The following RTCA variants were observed in gnomAD, a reference collection of about 807,000 sequenced individuals.
RTCA encodes the protein RNA 3'-terminal phosphate cyclase.
Under a neutral mutation model 46.1 loss-of-function variants are expected in RTCA, and 37 were observed. The observed-to-expected ratio is 0.80, with a 90% CI of 0.62 to 1.06. The LOEUF (loss-of-function observed/expected upper bound fraction) is 1.06, where lower values mean the gene tolerates loss of function less well. Among genes scored for constraint, RTCA ranks in the 50% least tolerant of loss-of-function variants. RTCA has a pLI of 0.00. For missense variants in RTCA, 435 were observed against 455.5 expected (o/e 0.95, Z 0.41); for synonymous variants, 164 against 158.3 (o/e 1.04, Z -0.27).
chr1:100,267,524 C>T (rs973287309), intron 2 of RTCA: 19 of 1,545,512 alleles, frequency 1.2e-5, no homozygotes, highest in Non-Finnish European at 1.7e-5. Flanking sequence ...AGTCCAAGAT[C>T]AAGGTCCTGA....
intron 10 of RTCA, among the ~76,000 whole-genome samples, chr1:100,288,649 C>G (rs571418492): frequency 6.6e-6 from 1 of 151,936 alleles, no homozygotes; most frequent in African/African-American, 2.4e-5. Context: ...CCTCAATCTC[C>G]CAAAGCGCTA....
rs1051198969 is a variant in RTCA, at chr1:100,284,641, G to A, written c.800-587G>A. On this transcript the variant is annotated intron_variant, in intron 8 of 10. Transcript: ENST00000370128. ...ACTCCTGACCTCAAGTGATCCATCCGCCTCAGCCTCCCAAAGCATTGGGAT... is the reference window on the plus strand; with the variant it reads ...ACTCCTGACCTCAAGTGATCCATCCACCTCAGCCTCCCAAAGCATTGGGAT... Among the ~76,000 whole-genome samples the A allele has an allele frequency of 8.5e-5, 13 of 152,272 alleles. No homozygotes were observed. In the South Asian group the frequency reaches 1.9e-3, roughly 22 times the overall value.
At chr1:100,288,950 G>A (rs1667178355) in intron 10 of RTCA, among the ~76,000 whole-genome samples, 1 of 151,962 alleles carries the variant, frequency 6.6e-6, no homozygotes. Context: ...AGCCTCCAGA[G>A]TAGCTGGGAT....
At chr1:100,275,917 G>C (rs966282704) in intron 7 of RTCA, among the ~76,000 whole-genome samples, 194 bp downstream of exon 7, 1 of 151,940 alleles carries the variant, frequency 6.6e-6, no homozygotes, top group South Asian at 2.1e-4. Flanking sequence ...CTCACTGCAA[G>C]CTCCGCCTCC....
chr1:100,266,239 T>A lies in RTCA; in HGVS notation c.-137T>A. On this transcript the variant is annotated 5_prime_UTR_variant, in exon 1 of 11. Transcript: ENST00000370128. ...CCAGTGTCCCGAGAGGCGCCGCTTC[T>A]TCCGCTTTCTCGTCAGGCTCCTGCG... The A allele has an allele frequency of 9.4e-7, 1 of 1,059,030 alleles. No homozygotes were observed. The highest frequency in any genetic ancestry group is 1.4e-6 in the Non-Finnish European group (1 of 736,430). 65.6% of individuals were successfully genotyped at this position (1,059,030 alleles called of 1,614,324 possible).
chr1:100,274,106 C>T (rs983166907), intron 5 of RTCA, among the ~76,000 whole-genome samples: 1 of 151,980 alleles, frequency 6.6e-6, no homozygotes, highest in African/African-American at 2.4e-5. Context: ...TTTTTTTCAA[C>T]GTGAAACTTA....
intron 8 of RTCA, among the ~76,000 whole-genome samples, chr1:100,279,055 G>A (rs534064491): frequency 6.6e-6 from 1 of 152,310 alleles, no homozygotes; most frequent in South Asian, 2.1e-4. Flanking sequence ...AATCAGTGTG[G>A]ATATTGAGCC....
At chr1:100,270,034 G>A (rs981984534) in intron 3 of RTCA, among the ~76,000 whole-genome samples, 1 of 152,126 alleles carries the variant, frequency 6.6e-6, no homozygotes, top group Non-Finnish European at 1.5e-5. Context: ...TTTTATGGCT[G>A]CGTAAAATAT....
chr1:100,277,705 A>G (rs1383234259), intron 8 of RTCA, among the ~76,000 whole-genome samples: 1 of 152,054 alleles, frequency 6.6e-6, no homozygotes, highest in Non-Finnish European at 1.5e-5. Flanking sequence ...CCATTTTTAC[A>G]CCTGAAGAAT....
intron 7 of RTCA, 86 bp downstream of exon 7, chr1:100,275,809 T>G: frequency 8.4e-7 from 1 of 1,186,284 alleles, no homozygotes; most frequent in Non-Finnish European, 1.2e-6. Context: ...GTTTCTTGCT[T>G]AAGTTTATAG....
intron 10 of RTCA, among the ~76,000 whole-genome samples, chr1:100,289,343 G>A (rs1311889853): frequency 6.6e-6 from 1 of 150,494 alleles, no homozygotes; most frequent in Non-Finnish European, 1.5e-5. Flanking sequence ...GGATCTCCCT[G>A]TGTTGCCCAG....
At chr1:100,267,185 A>C in intron 2 of RTCA, 1 of 296,060 alleles carries the variant, frequency 3.4e-6, no homozygotes, top group Non-Finnish European at 6.2e-6. Context: ...CCACTAGTTG[A>C]GCTTCAGGTA....
At chr1:100,274,749 T>A in intron 5 of RTCA, 75 bp from the exon 6 acceptor site, 1 of 1,374,256 alleles carries the variant, frequency 7.3e-7, no homozygotes. Flanking sequence ...CATTGACATG[T>A]CATTTTATTG....
chr1:100,286,201 C>G (rs549353895), intron 9 of RTCA, among the ~76,000 whole-genome samples: 2 of 151,900 alleles, frequency 1.3e-5, no homozygotes, highest in Non-Finnish European at 2.9e-5. Flanking sequence ...GCCTGTAATC[C>G]CAGCACTTTG....
At chr1:100,285,913 C>T (rs1666998329) in intron 9 of RTCA, among the ~76,000 whole-genome samples, 1 of 152,326 alleles carries the variant, frequency 6.6e-6, no homozygotes, top group South Asian at 2.1e-4. Context: ...AGATTAAGGG[C>T]CATGAGCCAC....
At chr1:100,266,929 C>A in intron 2 of RTCA, 1 of 403,296 alleles carries the variant, frequency 2.5e-6, no homozygotes, top group Non-Finnish European at 4.5e-6. Context: ...CCGAACAGCA[C>A]GTATGAGCTG....
At chr1:100,283,923 AAAAAAAAAAAAG>A (rs1666865571) in intron 8 of RTCA, among the ~76,000 whole-genome samples, 1 of 39,726 alleles carries the variant, frequency 2.5e-5, no homozygotes, top group African/African-American at 5.7e-5. Flanking sequence ...CCTAGTCGCT[AAAAAAAAAAAAG>A]AAAAAAAAAA....
intron 6 of RTCA, among the ~76,000 whole-genome samples, chr1:100,275,327 G>A (rs180983079): frequency 1.2e-4 from 18 of 152,226 alleles, no homozygotes; most frequent in Admixed American, 1.3e-4. Context: ...AGATCTCAGC[G>A]ACATGTAATT....
chr1:100,281,296 T>C, intron 8 of RTCA: 1 of 534,108 alleles, frequency 1.9e-6, no homozygotes, highest in Non-Finnish European at 3.8e-6. Context: ...AATCTCGCTG[T>C]TTTAGACTGA....
Sources: gnomAD v4.1 joint callset for allele counts (sites outside exome capture counted in the v4.1 genomes callset) on GRCh38, gnomAD v4.1.1 for gene constraint, MANE v1.5 for transcripts, NCBI Gene and HGNC (gene_info 2026-07-23, HGNC 2026-07-21) for gene names.